Variants in APOBEC1 observed in about 807,000 individuals in gnomAD.
APOBEC1 encodes the protein C->U-editing enzyme APOBEC-1.
A neutral mutation model predicts 26.3 loss-of-function variants in APOBEC1; 22 were observed. That is an observed-to-expected ratio of 0.84 (90% CI 0.60 to 1.19). The LOEUF (loss-of-function observed/expected upper bound fraction) is 1.19. Ranked by LOEUF, APOBEC1 falls within the 50% of genes most tolerant of loss-of-function variation. The probability of loss-of-function intolerance (pLI) is 0.00; values close to 1 mark genes in which losing one functional copy is unlikely to be tolerated. For synonymous variants in APOBEC1, 77 were observed against 95.3 expected (o/e 0.81, Z 1.12); for missense variants, 253 against 289.0 (o/e 0.88, Z 0.90).
At position 7,652,640 on chromosome 12, in the gene APOBEC1, C is replaced by G. The variant is rs2302515; in HGVS notation, c.240G>C (p.Met80Ile). ...ACAAGAACCAGGTGATGGAGCAGCT[C>G]ATGGATGGGTGAAAATCTCTTTCTG... The part of the protein sequence containing the change: ...FTSERDFHPS[M>I]SCSITWFLSW... The change falls in exon 3 of 5, where the codon ATG becomes ATC. Residue 80 changes from methionine to isoleucine, a missense_variant. Transcript: ENST00000229304. The G allele has an allele frequency of 0.84, 1,360,811 of 1,613,942 alleles. 582,799 individuals are homozygous for G. The highest frequency in any genetic ancestry group is 0.9 in the Middle Eastern group (5,476 of 6,062).
intron 3 of APOBEC1, 87 bp downstream of exon 3, chr12:7,652,351 T>A (rs1039034692): frequency 7.9e-7 from 1 of 1,264,064 alleles, no homozygotes; most frequent in East Asian, 2.4e-5. Flanking sequence ...ACTTCCAGCC[T>A]GGGCTAACCA....
chr12:7,659,163 G>T (rs1234385394), intron 1 of APOBEC1, among the ~76,000 whole-genome samples: 2 of 145,682 alleles, frequency 1.4e-5, no homozygotes, highest in Non-Finnish European at 3.0e-5. Context: ...GTGTGGTGGC[G>T]CATGCCTGTA....
chr12:7,659,798 A>G (rs1367393373), intron 1 of APOBEC1, among the ~76,000 whole-genome samples: 3 of 151,752 alleles, frequency 2.0e-5, no homozygotes, highest in African/African-American at 4.8e-5. Flanking sequence ...TGAAAACCCA[A>G]CTCTACTAAA....
upstream of APOBEC1, among the ~76,000 whole-genome samples, chr12:7,669,938 T>C (rs759977287): frequency 6.6e-6 from 1 of 152,076 alleles, no homozygotes; most frequent in East Asian, 1.9e-4. Flanking sequence ...TATATCTTTT[T>C]TCTGAAACTT....
chr12:7,659,023 G>A (rs1487063113), intron 1 of APOBEC1, among the ~76,000 whole-genome samples: 2 of 146,024 alleles, frequency 1.4e-5, no homozygotes, highest in Admixed American at 1.4e-4. Context: ...GGCCGGGCGC[G>A]GTGGCTCATG....
At chr12:7,654,372 C>CTTTTT (rs373055650) in intron 2 of APOBEC1, among the ~76,000 whole-genome samples, 2 of 136,592 alleles carry the variant, frequency 1.5e-5, no homozygotes, top group African/African-American at 2.7e-5. Context: ...TCCACAGTTC[C>CTTTTT]TTTTTTTTTT....
intron 1 of APOBEC1, among the ~76,000 whole-genome samples, chr12:7,660,701 T>TAAAAA (rs34455959): frequency 8.3e-6 from 1 of 120,052 alleles, no homozygotes. Context: ...AGATTCCATC[T>TAAAAA]AAAAAAAAAA....
chr12:7,649,704 A>G lies in APOBEC1; in HGVS notation c.562-8T>C. The G allele has an allele frequency of 6.3e-7, 1 of 1,589,904 alleles. No individual in the cohort carries two copies. Among genetic ancestry groups the G allele is most frequent in the Non-Finnish European group, 8.6e-7 (1 of 1,158,828 alleles). On this transcript the variant is annotated splice_polypyrimidine_tract_variant and splice_region_variant and intron_variant, in intron 4 of 4. Coordinates refer to ENST00000229304, the MANE Select transcript of APOBEC1 (RefSeq NM_001644.5). ...TAAACAGGGTGGAAGACTCTGGAAT[A>G]AAAAAGGATTATATTTAATCCTTAG...
upstream of APOBEC1, chr12:7,666,027 C>A (rs1592064952): frequency 8.8e-6 from 7 of 795,988 alleles, no homozygotes; most frequent in Non-Finnish European, 1.6e-5. Flanking sequence ...GCTGTCTGTA[C>A]AAACAGGGGG....
intron 1 of APOBEC1, among the ~76,000 whole-genome samples, chr12:7,656,283 A>G (rs1464511942): frequency 1.3e-5 from 2 of 152,130 alleles, no homozygotes; most frequent in Admixed American, 6.5e-5. Context: ...CTGGCCTACA[A>G]ACTAATCAGT....
At chr12:7,665,138 T>C (rs1863875848) in intron 1 of APOBEC1, among the ~76,000 whole-genome samples, 1 of 152,194 alleles carries the variant, frequency 6.6e-6, no homozygotes, top group African/African-American at 2.4e-5. Context: ...TCCTTCAGCC[T>C]GAAGTGTTCT....
chr12:7,665,349 G>A (rs1056544205), intron 1 of APOBEC1, among the ~76,000 whole-genome samples: 3 of 152,116 alleles, frequency 2.0e-5, no homozygotes, highest in African/African-American at 7.2e-5. Context: ...CCAGGCTGGA[G>A]TGCAGTGGCG....
chr12:7,662,814 T>C (rs1311435004), intron 1 of APOBEC1, among the ~76,000 whole-genome samples: 1 of 152,070 alleles, frequency 6.6e-6, no homozygotes, highest in African/African-American at 2.4e-5. Context: ...GACCTTGACT[T>C]GTTCAAGGAA....
At chr12:7,669,883 A>C (rs1364405712), upstream of APOBEC1, among the ~76,000 whole-genome samples, 1 of 152,094 alleles carries the variant, frequency 6.6e-6, no homozygotes, top group African/African-American at 2.4e-5. Flanking sequence ...TTTGCATTAA[A>C]ATTAAATGCA....
At chr12:7,661,898 C>A (rs1863824859) in intron 1 of APOBEC1, among the ~76,000 whole-genome samples, 1 of 152,160 alleles carries the variant, frequency 6.6e-6, no homozygotes, top group Admixed American at 6.5e-5. Context: ...CATCTAAATT[C>A]CCAATGCACA....
intron 1 of APOBEC1, among the ~76,000 whole-genome samples, chr12:7,657,756 G>T (rs1863736579): frequency 6.6e-6 from 1 of 151,996 alleles, no homozygotes; most frequent in African/African-American, 2.4e-5. Flanking sequence ...CATGCCTGTA[G>T]TCCCAGCTAC....
At chr12:7,656,045 CA>C (rs1863710889) in intron 1 of APOBEC1, among the ~76,000 whole-genome samples, 2 of 151,774 alleles carry the variant, frequency 1.3e-5, no homozygotes, top group Non-Finnish European at 2.9e-5. Flanking sequence ...CTGTGTTGCC[CA>C]GGTTGGTCTC....
At chr12:7,667,188 A>C (rs1297390261), upstream of APOBEC1, among the ~76,000 whole-genome samples, 1 of 152,128 alleles carries the variant, frequency 6.6e-6, no homozygotes, top group Middle Eastern at 3.2e-3. Flanking sequence ...CTAGGATTAC[A>C]GGCGTGAGCC....
At chr12:7,664,207 C>T (rs1863861578) in intron 1 of APOBEC1, among the ~76,000 whole-genome samples, 2 of 152,080 alleles carry the variant, frequency 1.3e-5, no homozygotes, top group Non-Finnish European at 2.9e-5. Flanking sequence ...TAAATTGTTA[C>T]TTCAACTCCA....
Sources: allele counts gnomAD v4.1 joint callset (sites outside exome capture counted in the v4.1 genomes callset), GRCh38; gene constraint gnomAD v4.1.1; transcripts MANE v1.5; gene names NCBI Gene and HGNC (gene_info 2026-07-23, HGNC 2026-07-21).